ZBTB40: variants seen among roughly 807,000 people sequenced by gnomAD.
ZBTB40 encodes zinc finger and BTB domain-containing protein 40.
In ZBTB40, 60 loss-of-function variants were observed where a neutral mutation model predicts 117.5. The ratio of observed to expected loss-of-function variants is 0.51; its 90% CI spans 0.41 to 0.63. The LOEUF (loss-of-function observed/expected upper bound fraction) is 0.63, where lower values mean the gene tolerates loss of function less well. Among genes scored for constraint, ZBTB40 ranks in the 30% least tolerant of loss-of-function variants. The probability of loss-of-function intolerance (pLI) is 0.00; values close to 1 mark genes in which losing one functional copy is unlikely to be tolerated. For missense variants in ZBTB40, 1,287 were observed against 1,498.5 expected, an observed-to-expected ratio of 0.86 and a Z score of 2.33; for synonymous variants, 525 against 577.1, an observed-to-expected ratio of 0.91 and a Z score of 1.29.
At chr1:22,499,384 T>G (rs907641078) in intron 3 of ZBTB40, among the ~76,000 whole-genome samples, 17 of 152,108 alleles carry the variant, frequency 1.1e-4, no homozygotes, top group African/African-American at 4.1e-4. Context: ...AGTCACGAGG[T>G]TCAATCCAAC....
intron 1 of ZBTB40, among the ~76,000 whole-genome samples, chr1:22,468,460 GTTTCCTTTTTTTTT>G (rs1337129693): frequency 3.4e-5 from 3 of 88,776 alleles, no homozygotes; most frequent in Admixed American, 2.3e-4. Context: ...AAATGTTAAT[GTTTCCTTTTTTTTT>G]TTTTTTTTTT....
intron 1 of ZBTB40, among the ~76,000 whole-genome samples, chr1:22,479,564 G>GT (rs1461900231): frequency 6.6e-6 from 1 of 151,978 alleles, no homozygotes; most frequent in Non-Finnish European, 1.5e-5. Flanking sequence ...TAAATAATGT[G>GT]TTTTCTCTTG....
upstream of ZBTB40, among the ~76,000 whole-genome samples, chr1:22,448,179 T>A (rs1640810779): frequency 3.3e-5 from 5 of 152,226 alleles, no homozygotes; most frequent in Admixed American, 6.5e-5. Flanking sequence ...TGGTTGGCTG[T>A]TGATGTGAAC....
chr1:22,468,572 C>T (rs1224662311), intron 1 of ZBTB40, among the ~76,000 whole-genome samples: 2 of 128,514 alleles, frequency 1.6e-5, no homozygotes, highest in African/African-American at 6.0e-5. Flanking sequence ...AACTCCTGGG[C>T]TCAAGTGATC....
rs969490033 is a variant in ZBTB40, at chr1:22,507,983, T to A, written c.1361-18T>A. On this transcript the variant is annotated intron_variant, in intron 6 of 17. Coordinates refer to ENST00000375647, the MANE Select transcript of ZBTB40 (RefSeq NM_014870.4). Reference sequence around the variant, plus strand: ...TTTTGTTGCATCAAACATTATTGTTTTGCTAATATCCTTACAGTCCAACCA... The same window carrying A: ...TTTTGTTGCATCAAACATTATTGTTATGCTAATATCCTTACAGTCCAACCA... 1 of 1,614,030 alleles carries A rather than the reference T, an allele frequency of 6.2e-7. No individual in the cohort carries two copies. The highest frequency in any genetic ancestry group is 1.3e-5 in the African/African-American group (1 of 74,922).
intron 1 of ZBTB40, among the ~76,000 whole-genome samples, chr1:22,459,475 G>A (rs1641082735): frequency 6.6e-6 from 1 of 152,152 alleles, no homozygotes; most frequent in Admixed American, 6.5e-5. Context: ...TTTCTTCACT[G>A]ATTTGAGATG....
Position 22,501,635 on chromosome 1 carries a change from A to C in ZBTB40, c.975A>C (p.Thr325=). The C allele has an allele frequency of 6.2e-7, 1 of 1,614,178 alleles. No individual in the cohort carries two copies. Among genetic ancestry groups the C allele is most frequent in the Non-Finnish European group, 8.5e-7 (1 of 1,180,010 alleles). Residue 325 remains threonine (T), a synonymous_variant, in exon 4 of 18, where the codon ACA becomes ACC. Coordinates refer to ENST00000375647, the MANE Select transcript of ZBTB40 (RefSeq NM_014870.4). ...AATATTCTAATCCTGCAGTAAAAAC[A>C]GCACTATTAGACAGGAAGCCAGAAG... ...LYQYSNPAVK[T]ALLDRKPEDV...
chr1:22,438,993 G>A (rs534044539), intron 1 of ZBTB40, among the ~76,000 whole-genome samples: 38 of 152,136 alleles, frequency 2.5e-4, no homozygotes, highest in African/African-American at 8.2e-4. Flanking sequence ...TCAGCCTCCC[G>A]ATTAGCTGGG....
intron 1 of ZBTB40, among the ~76,000 whole-genome samples, chr1:22,489,390 A>G (rs1309267652): frequency 6.6e-6 from 1 of 152,204 alleles, no homozygotes; most frequent in African/African-American, 2.4e-5. Context: ...TTTCAGAGGA[A>G]GAGAATGATG....
At chr1:22,437,064 G>A (rs1640679129) in intron 1 of ZBTB40, among the ~76,000 whole-genome samples, 1 of 152,098 alleles carries the variant, frequency 6.6e-6, no homozygotes, top group African/African-American at 2.4e-5. Context: ...TTCCAAGCTG[G>A]CATGTAAGAA....
intron 13 of ZBTB40, among the ~76,000 whole-genome samples, chr1:22,519,330 C>T (rs1177811900): frequency 6.6e-6 from 1 of 152,198 alleles, no homozygotes; most frequent in Non-Finnish European, 1.5e-5. Context: ...GAAGGGTTGG[C>T]ATATCCAATC....
chr1:22,442,639 A>G (rs947492523), intron 1 of ZBTB40, among the ~76,000 whole-genome samples: 1 of 152,188 alleles, frequency 6.6e-6, no homozygotes, highest in African/African-American at 2.4e-5. Flanking sequence ...GAGGGCTGTA[A>G]GCAAGTCTGG....
intron 1 of ZBTB40, among the ~76,000 whole-genome samples, chr1:22,468,099 A>G (rs970323263): frequency 2.6e-5 from 4 of 152,076 alleles, no homozygotes; most frequent in East Asian, 1.9e-4. Flanking sequence ...AAAAAAAAAA[A>G]AAAAGAAAAG....
chr1:22,475,786 C>T (rs1031783144), intron 1 of ZBTB40, among the ~76,000 whole-genome samples: 1 of 152,136 alleles, frequency 6.6e-6, no homozygotes, highest in Admixed American at 6.5e-5. Flanking sequence ...CTTACCTTTC[C>T]TTTTGCTCCC....
chr1:22,466,663 T>C (rs1314186042), intron 1 of ZBTB40, among the ~76,000 whole-genome samples: 3 of 152,100 alleles, frequency 2.0e-5, no homozygotes, highest in East Asian at 3.8e-4. Context: ...TCTGTTCATG[T>C]ACTTACTGGC....
rs903814034 is a variant in ZBTB40, at chr1:22,527,010, T to A, written c.*614T>A. ...TTGATGGCTATAGGACAGGTAGCCCTCATTTCCATGCCTGATAACCCCTTG... is the reference window on the plus strand; with the variant it reads ...TTGATGGCTATAGGACAGGTAGCCCACATTTCCATGCCTGATAACCCCTTG... On this transcript the variant is annotated 3_prime_UTR_variant, in exon 18 of 18. Transcript: ENST00000375647. The A allele has an allele frequency of 1.2e-5, 2 of 161,670 alleles. No individual in the cohort carries two copies. Among genetic ancestry groups the A allele is most frequent in the Non-Finnish European group, 2.7e-5 (2 of 73,060 alleles). 10.0% of individuals were successfully genotyped at this position (161,670 alleles called of 1,614,324 possible).
chr1:22,479,922 G>T (rs185546508), intron 1 of ZBTB40, among the ~76,000 whole-genome samples: 4 of 151,642 alleles, frequency 2.6e-5, no homozygotes, highest in Admixed American at 1.3e-4. Flanking sequence ...TGTTTTTTTG[G>T]GGGGGACAGA....
At chr1:22,525,955 G>A (rs1020415133) in intron 17 of ZBTB40, among the ~76,000 whole-genome samples, 2 of 152,138 alleles carry the variant, frequency 1.3e-5, no homozygotes, top group African/African-American at 4.8e-5. Context: ...CATAGAGTCC[G>A]GGCGCCCCGA....
chr1:22,518,449 A>G (rs373761175), intron 13 of ZBTB40, among the ~76,000 whole-genome samples: 2 of 152,228 alleles, frequency 1.3e-5, no homozygotes, highest in Non-Finnish European at 2.9e-5. Context: ...AGATACTGTT[A>G]TTATTGGTGA....
Sources: gnomAD v4.1 joint callset for allele counts (sites outside exome capture counted in the v4.1 genomes callset) on GRCh38, gnomAD v4.1.1 for gene constraint, MANE v1.5 for transcripts, NCBI Gene and HGNC (gene_info 2026-07-23, HGNC 2026-07-21) for gene names.